Variants in DNAJC11 observed in about 807,000 individuals in gnomAD.
The protein encoded by DNAJC11 is DnaJ heat shock protein family (Hsp40) member C11, also known as dnaJ homolog subfamily C member 11.
In DNAJC11, 15 loss-of-function variants were observed where a neutral mutation model predicts 78.6. The observed-to-expected ratio is 0.19, with a 90% CI of 0.13 to 0.29. The LOEUF (loss-of-function observed/expected upper bound fraction) is 0.29, where lower values mean the gene tolerates loss of function less well. Ranked by LOEUF, DNAJC11 falls within the 10% of genes least tolerant of loss-of-function variation. The probability of loss-of-function intolerance (pLI) is 1.00; values close to 1 mark genes in which losing one functional copy is unlikely to be tolerated. For missense variants in DNAJC11, 547 were observed against 709.6 expected, an observed-to-expected ratio of 0.77 and a Z score of 2.60; for synonymous variants, 292 against 272.1, an observed-to-expected ratio of 1.07 and a Z score of -0.72.
At chr1:6,667,590 C>A in intron 4 of DNAJC11, 119 bp downstream of exon 4, 1 of 800,440 alleles carries the variant, frequency 1.2e-6, no homozygotes, top group Admixed American at 2.6e-5. Flanking sequence ...TAAATTTTGT[C>A]CCACCAGCTT....
chr1:6,686,083 G>T (rs1380537474), intron 1 of DNAJC11, among the ~76,000 whole-genome samples: 1 of 152,102 alleles, frequency 6.6e-6, no homozygotes, highest in Non-Finnish European at 1.5e-5. Context: ...AAATACATTT[G>T]TATTTGTGTC....
chr1:6,652,713 G>A lies in DNAJC11; in HGVS notation c.630+116C>T, dbSNP rs375313233. On this transcript the variant is annotated intron_variant, in intron 6 of 15. Coordinates refer to ENST00000377577, the MANE Select transcript of DNAJC11 (RefSeq NM_018198.4). ...TTATGGAAGCTTGACACTTGGTACCGTTCTTACACAACAACGGGGCCCCCA... is the reference window on the plus strand; with the variant it reads ...TTATGGAAGCTTGACACTTGGTACCATTCTTACACAACAACGGGGCCCCCA... 30 of 1,404,396 alleles carry A rather than the reference G, an allele frequency of 2.1e-5. No individual in the cohort carries two copies. In the African/African-American group the frequency reaches 2.3e-4, roughly 11 times the overall value. The allele number at this position is 1,404,396 out of a possible 1,614,324, so 87.0% of individuals were successfully genotyped here.
chr1:6,683,163 A>G (rs1223420502), intron 1 of DNAJC11, among the ~76,000 whole-genome samples: 1 of 152,188 alleles, frequency 6.6e-6, no homozygotes, highest in African/African-American at 2.4e-5. Flanking sequence ...CCTTTGGTGC[A>G]GACTTCAGGG....
At chr1:6,695,289 C>A (rs1570318156) in intron 1 of DNAJC11, among the ~76,000 whole-genome samples, 1 of 151,974 alleles carries the variant, frequency 6.6e-6, no homozygotes, top group South Asian at 2.1e-4. Flanking sequence ...GTGTGAGCCA[C>A]CCCCCAATCC....
chr1:6,637,535 G>T, intron 12 of DNAJC11, 31 bp from the exon 13 acceptor site: 2 of 1,613,262 alleles, frequency 1.2e-6, no homozygotes, highest in Non-Finnish European at 1.7e-6. Flanking sequence ...CACAGTCAGG[G>T]CCCTGCCAGG....
intron 4 of DNAJC11, among the ~76,000 whole-genome samples, chr1:6,665,034 C>G (rs1031040106): frequency 6.6e-6 from 1 of 152,132 alleles, no homozygotes. Flanking sequence ...TGTGGGGGGT[C>G]CAGCTGACAG....
chr1:6,665,673 C>A (rs1044731306), intron 4 of DNAJC11, among the ~76,000 whole-genome samples: 1 of 152,156 alleles, frequency 6.6e-6, no homozygotes, highest in Non-Finnish European at 1.5e-5. Flanking sequence ...CCTGCAGACA[C>A]ATTTGCATAG....
intron 1 of DNAJC11, among the ~76,000 whole-genome samples, chr1:6,684,705 CTCTT>C (rs1642610710): frequency 6.6e-6 from 1 of 152,038 alleles, no homozygotes; most frequent in South Asian, 2.1e-4. Context: ...AAATGAGAAC[CTCTT>C]TCACTCTTAC....
intron 10 of DNAJC11, among the ~76,000 whole-genome samples, chr1:6,643,325 G>C (rs557953551): frequency 7.3e-5 from 11 of 151,082 alleles, no homozygotes; most frequent in African/African-American, 2.7e-4. Context: ...GCCCAGGCTG[G>C]AGTGCAGTGG....
At chr1:6,637,051 T>C (rs1414797833) in intron 14 of DNAJC11, 147 bp downstream of exon 14, 2 of 1,003,752 alleles carry the variant, frequency 2.0e-6, no homozygotes, top group South Asian at 1.6e-5. Flanking sequence ...GGTTTTGCCA[T>C]GTTGCCTAGG....
intron 1 of DNAJC11, among the ~76,000 whole-genome samples, chr1:6,698,068 G>A (rs543527120): frequency 1.3e-5 from 2 of 152,314 alleles, no homozygotes; most frequent in Admixed American, 1.3e-4. Flanking sequence ...GGGATTACAG[G>A]CTTGAGCCAC....
chr1:6,651,132 A>G lies in DNAJC11; in HGVS notation c.704+397T>C, dbSNP rs746456909. 5 of 537,956 alleles carry G rather than the reference A, an allele frequency of 9.3e-6. No individual in the cohort carries two copies. The East Asian group carries it at 1.6e-4, about 17-fold the overall frequency. 33.3% of individuals were successfully genotyped at this position (537,956 alleles called of 1,614,324 possible). A position where few individuals can be genotyped will look rare whatever the true frequency, so the allele number is the denominator to read the frequency against. ...GAAGCAGAGGCTGGCTGGGGACTAC[A>G]TCTCTGGCATATGTCAATCAACCCG... On this transcript the variant is annotated intron_variant, in intron 7 of 15. Transcript: ENST00000377577.
rs997155397 is a variant in DNAJC11 at position 6,653,181 on chromosome 1, C to T, written c.508-230G>A. On this transcript the variant is annotated intron_variant, in intron 5 of 15. Coordinates refer to ENST00000377577, the MANE Select transcript of DNAJC11 (RefSeq NM_018198.4). The surrounding 1 kb of genome is among the most constrained non-coding windows in gnomAD (Gnocchi z 4.5). Reference sequence around the variant, plus strand: ...TGCTTTGCAAAAGCTTTAATGGGCACATTTCACAACACCAGGGGAAACATG... The same window carrying T: ...TGCTTTGCAAAAGCTTTAATGGGCATATTTCACAACACCAGGGGAAACATG... 2.6e-5 allele frequency among the ~76,000 whole-genome samples: 4 copies of T among 152,170 alleles called. No individual in the cohort carries two copies. The South Asian group carries it at 6.2e-4, about 24-fold the overall frequency.
intron 5 of DNAJC11, 32 bp from the exon 6 acceptor site, chr1:6,652,983 T>C (rs1036433667): frequency 1.2e-6 from 2 of 1,613,326 alleles, no homozygotes; most frequent in African/African-American, 2.7e-5. Flanking sequence ...AATGAATGAA[T>C]CAAAACAACA....
intron 6 of DNAJC11, among the ~76,000 whole-genome samples, chr1:6,651,990 A>G (rs569904826): frequency 5.6e-4 from 74 of 131,994 alleles, no homozygotes; most frequent in African/African-American, 2.1e-3. Context: ...CCCCGCATGC[A>G]CTGCCGACTC....
intron 4 of DNAJC11, among the ~76,000 whole-genome samples, chr1:6,666,072 GA>G (rs1212607618): frequency 4.6e-5 from 7 of 152,342 alleles, no homozygotes; most frequent in African/African-American, 1.7e-4. Flanking sequence ...CACTTCTGTT[GA>G]GGGGGAGAGT....
Position 6,667,806 on chromosome 1 carries a change from A to G in DNAJC11, c.281T>C (p.Val94Ala). 1 of 1,613,600 alleles carries G rather than the reference A, an allele frequency of 6.2e-7. No individual in the cohort carries two copies. Among genetic ancestry groups the G allele is most frequent in the Non-Finnish European group, 8.5e-7 (1 of 1,179,942 alleles). The change falls in exon 4 of 16, where the codon GTG (valine) becomes GCG (alanine). Residue 94 changes from valine (V) to alanine (A), a missense_variant. Val to Ala is a moderately conservative substitution (Grantham distance 64). Transcript: ENST00000377577. ...RGLEMEGWEV[V>A]ERRRTPAEIR... Reference sequence around the variant, plus strand: ...TTCAGCAGGGGTTCTCCTCCTTTCCACAACCTATGCACAGAATCAAGATGG... The same window carrying G: ...TTCAGCAGGGGTTCTCCTCCTTTCCGCAACCTATGCACAGAATCAAGATGG...
Position 6,701,724 on chromosome 1 carries a change from C to A in DNAJC11, c.72+5G>T. 6.4e-7 allele frequency: 1 copy of A among 1,552,096 alleles called. No individual in the cohort carries two copies. The highest frequency in any genetic ancestry group is 8.7e-7 in the Non-Finnish European group (1 of 1,152,954). Reference sequence around the variant, plus strand: ...GCCCCCAGAGCGTCCAGCCGCTGGCCTCACCTCCCTGCGCACGTTCAGCAA... The same window carrying A: ...GCCCCCAGAGCGTCCAGCCGCTGGCATCACCTCCCTGCGCACGTTCAGCAA... On this transcript the variant is annotated splice_donor_5th_base_variant and intron_variant, in intron 1 of 15. Coordinates refer to ENST00000377577, the MANE Select transcript of DNAJC11 (RefSeq NM_018198.4).
At chr1:6,638,728 T>C (rs925272531) in intron 11 of DNAJC11, among the ~76,000 whole-genome samples, 2 of 152,228 alleles carry the variant, frequency 1.3e-5, no homozygotes, top group African/African-American at 4.8e-5. Context: ...GGTCTCACTA[T>C]ATTGCCCAGG....
Sources: gnomAD v4.1 joint callset for allele counts (sites outside exome capture counted in the v4.1 genomes callset) on GRCh38, gnomAD v4.1.1 for gene constraint, Gnocchi (gnomAD v3.1) non-coding constraint, MANE v1.5 for transcripts, NCBI Gene and HGNC (gene_info 2026-07-23, HGNC 2026-07-21) for gene names.